Variants in CNNM2 observed in about 807,000 individuals in gnomAD.
CNNM2 encodes cyclin and CBS domain divalent metal cation transport mediator 2.
Under a neutral mutation model 66.9 loss-of-function variants are expected in CNNM2, and 12 were observed. The ratio of observed to expected loss-of-function variants is 0.18; its 90% confidence interval spans 0.11 to 0.29. The LOEUF (loss-of-function observed/expected upper bound fraction) is 0.29. Among genes scored for constraint, CNNM2 ranks in the 10% least tolerant of loss-of-function variants. The pLI, the probability that CNNM2 is intolerant of heterozygous loss-of-function variation, is 1.00. For synonymous variants in CNNM2, 557 were observed against 501.8 expected, an observed-to-expected ratio of 1.11 and a Z score of -1.47; for missense variants, 705 against 1,167.7, an observed-to-expected ratio of 0.60 and a Z score of 5.77.
chr10:103,004,732 C>G (rs1401198957), intron 1 of CNNM2, among the ~76,000 whole-genome samples: 1 of 152,200 alleles, frequency 6.6e-6, no homozygotes, highest in Non-Finnish European at 1.5e-5. Context: ...GCATGAGATT[C>G]CTTTGTTTAG....
chr10:103,010,292 C>T (rs1199897391), intron 1 of CNNM2, among the ~76,000 whole-genome samples: 2 of 151,650 alleles, frequency 1.3e-5, no homozygotes, highest in Non-Finnish European at 2.9e-5. Context: ...GACTGGAGTG[C>T]AGTGGTGCAA....
Position 102,988,332 on chromosome 10 carries a change from G to A in CNNM2, c.1622-61375G>A, listed in dbSNP as rs1054868947. ...ATAATAATAGAAATATTGAAAAGGC[G>A]TGGGACAAAGATAGGGTCTCAAGAC... On this transcript the variant is annotated intron_variant, in intron 1 of 7. Transcript: ENST00000369878. Among the ~76,000 whole-genome samples, 14 of 152,104 alleles carry A rather than the reference G, an allele frequency of 9.2e-5. 1 individual carries two copies. Among genetic ancestry groups the A allele is most frequent in the South Asian group, 4.2e-4 (2 of 4,810 alleles).
intron 1 of CNNM2, among the ~76,000 whole-genome samples, chr10:103,046,757 A>G (rs941651382): frequency 1.3e-5 from 2 of 152,260 alleles, no homozygotes; most frequent in African/African-American, 2.4e-5. Context: ...TCTGTGCAGT[A>G]TACTGTGTTA....
chr10:102,931,930 A>G (rs1268823937), intron 1 of CNNM2, among the ~76,000 whole-genome samples: 1 of 151,146 alleles, frequency 6.6e-6, no homozygotes, highest in Non-Finnish European at 1.5e-5. Context: ...CTTAATGACT[A>G]ATGAAGTTGG....
intron 4 of CNNM2, among the ~76,000 whole-genome samples, chr10:103,061,916 A>G (rs918656234): frequency 1.3e-5 from 2 of 152,230 alleles, no homozygotes; most frequent in African/African-American, 2.4e-5. Flanking sequence ...TGACAAAGTT[A>G]AGCATCTATT....
chr10:102,978,246 C>A (rs184003881), intron 1 of CNNM2, among the ~76,000 whole-genome samples: 1 of 150,924 alleles, frequency 6.6e-6, no homozygotes, highest in East Asian at 1.9e-4. Context: ...AGAGCCATCT[C>A]AAACATACGA....
Position 103,076,253 on chromosome 10 carries a change from G to T in CNNM2, c.2401G>T (p.Asp801Tyr). ...IPDYSVRALS[D>Y]LQFVKISRQQ... ...CGATTACTCGGTGCGAGCCCTTTCG[G>T]ATCTGCAGTTTGTTAAGGTGAGAGA... The change falls in exon 7 of 8, where the codon GAT becomes TAT. Residue 801 changes from aspartate to tyrosine, a missense_variant. Physicochemically the swap from Asp to Tyr is radical, Grantham distance 160. Coordinates refer to ENST00000369878, the MANE Select transcript of CNNM2 (RefSeq NM_017649.5). 6.4e-7 allele frequency: 1 copy of T among 1,560,424 alleles called. No homozygotes were observed. The highest frequency in any genetic ancestry group is 8.7e-7 in the Non-Finnish European group (1 of 1,151,872).
rs541753449 is a variant in CNNM2 at position 102,995,550 on chromosome 10, A to G, written c.1622-54157A>G. ...AACTCAGCTTTGCCTTTAAAATAAT[A>G]TTTGTTCTATTATATGTAGAGTTTT... On this transcript the variant is annotated intron_variant, in intron 1 of 7. Transcript: ENST00000369878. 4.0e-5 allele frequency among the ~76,000 whole-genome samples: 6 copies of G among 151,602 alleles called. No individual in the cohort carries two copies. The South Asian group carries it at 1.0e-3, about 26-fold the overall frequency.
intron 1 of CNNM2, among the ~76,000 whole-genome samples, chr10:103,021,605 T>G (rs564588678): frequency 4.5e-4 from 68 of 152,274 alleles, no homozygotes; most frequent in Admixed American, 2.1e-3. Context: ...TGTAGGGTGA[T>G]AGTCTTGCTC....
intron 4 of CNNM2, among the ~76,000 whole-genome samples, chr10:103,059,601 C>T (rs1321818589): frequency 2.0e-5 from 3 of 152,062 alleles, no homozygotes. Flanking sequence ...ATTTCAGAAG[C>T]AATAAAGACA....
rs538071749 is a variant in CNNM2 at position 102,951,716 on chromosome 10, G to A, written c.1621+31615G>A. On this transcript the variant is annotated intron_variant, in intron 1 of 7. Coordinates refer to ENST00000369878, the MANE Select transcript of CNNM2 (RefSeq NM_017649.5). ...TGCAGTGGTCTGATCCTAGCTCACC[G>A]CAATATTGACCTTCTGGGCTCTAGC... Among the ~76,000 whole-genome samples, 41 of 148,250 alleles carry A rather than the reference G, an allele frequency of 2.8e-4. 1 individual carries two copies. The highest frequency in any genetic ancestry group is 2.1e-4 in the South Asian group (1 of 4,670).
chr10:103,029,329 G>T (rs1231475603), intron 1 of CNNM2, among the ~76,000 whole-genome samples: 1 of 150,640 alleles, frequency 6.6e-6, no homozygotes, highest in Non-Finnish European at 1.5e-5. Context: ...ATAGGCGGGC[G>T]TGGTGGCCAG....
At position 102,965,413 on chromosome 10, in the gene CNNM2, C is replaced by T. The variant is rs12778673; in HGVS notation, c.1621+45312C>T. ...ATTATTTGAAAGTCTGAGTCAAAGA[C>T]GAGAAGTAGGAAATCAGTTTTTCCC... is the stretch of plus-strand genomic sequence containing the variant. On this transcript the variant is annotated intron_variant, in intron 1 of 7. Coordinates refer to ENST00000369878, the MANE Select transcript of CNNM2 (RefSeq NM_017649.5). Among the ~76,000 whole-genome samples, 28,596 of 152,128 alleles carry T rather than the reference C, an allele frequency of 0.19. 2,883 individuals carry two copies. The highest frequency in any genetic ancestry group is 0.22 in the Non-Finnish European group (15,044 of 67,974).
At chr10:103,057,111 A>G (rs910701046) in intron 4 of CNNM2, 147 bp downstream of exon 4, 7 of 750,574 alleles carry the variant, frequency 9.3e-6, no homozygotes, top group African/African-American at 7.0e-5. Flanking sequence ...TCCTGTTTTC[A>G]TATCTGTAAA....
intron 1 of CNNM2, among the ~76,000 whole-genome samples, chr10:103,020,804 G>T (rs2064559888): frequency 7.3e-6 from 1 of 137,228 alleles, no homozygotes; most frequent in South Asian, 2.3e-4. Flanking sequence ...GCGCATGAGG[G>T]TGTAGGAACA....
chr10:102,949,337 G>A (rs1037759959), intron 1 of CNNM2, among the ~76,000 whole-genome samples: 3 of 151,920 alleles, frequency 2.0e-5, no homozygotes, highest in Non-Finnish European at 4.4e-5. Flanking sequence ...CACCACGCCT[G>A]GCTAATTTTG....
In CNNM2 at chr10:102,920,007, C is replaced by A. The variant is rs760881297; in HGVS notation, c.1527C>A (p.Thr509=). 14 of 1,614,036 alleles carry A rather than the reference C, an allele frequency of 8.7e-6. No homozygotes were observed. The East Asian group carries it at 2.7e-4, about 31-fold the overall frequency. ...CCTTCGTGGATCCCGATGACTGTAC[C>A]CCCCTGAAAACCATCACCAAATTTT... ...DLAFVDPDDC[T]PLKTITKFYN... Residue 509 remains threonine, a synonymous_variant, in exon 1 of 8, where the codon ACC becomes ACA. Transcript: ENST00000369878.
chr10:103,014,520 A>G (rs2064404698), intron 1 of CNNM2, among the ~76,000 whole-genome samples: 1 of 152,170 alleles, frequency 6.6e-6, no homozygotes, highest in South Asian at 2.1e-4. Context: ...CGATTCTGCT[A>G]TGCCAGACAG....
At position 102,918,442 on chromosome 10, in the gene CNNM2, G is replaced by A. The variant is rs769683854; in HGVS notation, c.-39G>A. The stretch of plus-strand genomic sequence containing the variant: ...GGCCGGTACCTGCGCTCGCGCCGCC[G>A]GGTTGAAAGGATGAAGCCGCAGCTG... On this transcript the variant is annotated 5_prime_UTR_variant, in exon 1 of 8. Coordinates refer to ENST00000369878, the MANE Select transcript of CNNM2 (RefSeq NM_017649.5). This position sits in a 1 kb window ranked among gnomAD's most constrained non-coding sequence, Gnocchi z 4.1. 3 of 1,584,414 alleles carry A rather than the reference G, an allele frequency of 1.9e-6. No homozygotes were observed. In the Admixed American group the frequency reaches 5.4e-5, roughly 28 times the overall value.
Sources: gnomAD v4.1 joint callset for allele counts (sites outside exome capture counted in the v4.1 genomes callset) on GRCh38, gnomAD v4.1.1 for gene constraint, Gnocchi (gnomAD v3.1) non-coding constraint, MANE v1.5 for transcripts, NCBI Gene and HGNC (gene_info 2026-07-23, HGNC 2026-07-21) for gene names.